MEGF9: variants seen among roughly 807,000 people sequenced by gnomAD.
MEGF9 encodes the protein multiple epidermal growth factor-like domains protein 9.
A neutral mutation model predicts 46.8 loss-of-function variants in MEGF9; 6 were observed. The ratio of observed to expected loss-of-function variants is 0.13; its 90% CI spans 0.07 to 0.25. The LOEUF (loss-of-function observed/expected upper bound fraction) is 0.25. MEGF9 is among the 10% of genes least tolerant of loss of function. The probability of loss-of-function intolerance (pLI) is 1.00; values close to 1 mark genes in which losing one functional copy is unlikely to be tolerated. For missense variants in MEGF9, 683 were observed against 792.4 expected (o/e 0.86, Z 1.66); for synonymous variants, 302 against 330.7 (o/e 0.91, Z 0.94).
intron 3 of MEGF9, among the ~76,000 whole-genome samples, chr9:120,614,958 TGCCAGGC>T (rs2132300478): frequency 6.6e-6 from 1 of 152,096 alleles, no homozygotes; most frequent in African/African-American, 2.4e-5. Flanking sequence ...TATATGTATA[TGCCAGGC>T]ATGGTGGCTC....
intron 1 of MEGF9, among the ~76,000 whole-genome samples, chr9:120,710,475 G>A (rs866527068): frequency 6.7e-6 from 1 of 148,164 alleles, no homozygotes; most frequent in Non-Finnish European, 1.5e-5. Flanking sequence ...ATCAGTGAAT[G>A]TTTTGCTGGG....
In MEGF9 at chr9:120,604,434, C is replaced by T. The variant is rs1208213064; in HGVS notation, c.*756G>A. ...TTTTTACAAATAGATACAAATACAA[C>T]GTCGACCAGATATGCTACATTAACT... On this transcript the variant is annotated 3_prime_UTR_variant, in exon 6 of 6. Coordinates refer to ENST00000373930, the MANE Select transcript of MEGF9 (RefSeq NM_001080497.3). 6.6e-6 allele frequency: 1 copy of T among 152,508 alleles called. No homozygotes were observed. The highest frequency in any genetic ancestry group is 2.4e-5 in the African/African-American group (1 of 41,382). The allele number at this position is 152,508 out of a possible 1,614,324, so 9.4% of individuals were successfully genotyped here. A position where few individuals can be genotyped will look rare whatever the true frequency, so the allele number is the denominator to read the frequency against.
chr9:120,654,295 A>G (rs2043666598), intron 2 of MEGF9, among the ~76,000 whole-genome samples: 1 of 152,216 alleles, frequency 6.6e-6, no homozygotes, highest in Non-Finnish European at 1.5e-5. Context: ...AGGATAACAG[A>G]AGCTATCAGG....
chr9:120,623,767 G>C (rs1008693786), intron 2 of MEGF9, among the ~76,000 whole-genome samples: 1 of 152,008 alleles, frequency 6.6e-6, no homozygotes, highest in African/African-American at 2.4e-5. Flanking sequence ...TCAATAAGAA[G>C]GAACCAGTCA....
chr9:120,683,236 G>A (rs1411526802), intron 1 of MEGF9, among the ~76,000 whole-genome samples: 1 of 152,146 alleles, frequency 6.6e-6, no homozygotes, highest in Non-Finnish European at 1.5e-5. Context: ...AGAAATCTCT[G>A]GTGGGGGTAC....
intron 1 of MEGF9, among the ~76,000 whole-genome samples, chr9:120,672,958 G>T (rs771112515): frequency 2.0e-4 from 31 of 152,194 alleles, no homozygotes; most frequent in Non-Finnish European, 3.2e-4. Flanking sequence ...AGGAGGCAGA[G>T]GTTGCGGTGA....
chr9:120,662,495 T>C (rs774319608), intron 1 of MEGF9, among the ~76,000 whole-genome samples: 1 of 152,254 alleles, frequency 6.6e-6, no homozygotes, highest in Non-Finnish European at 1.5e-5. Context: ...TATGAAGTTA[T>C]GAGCACAGAT....
At chr9:120,674,290 A>G (rs1331313202) in intron 1 of MEGF9, among the ~76,000 whole-genome samples, 1 of 152,186 alleles carries the variant, frequency 6.6e-6, no homozygotes, top group Non-Finnish European at 1.5e-5. Flanking sequence ...CTGAAAACCC[A>G]ACAATAAGGA....
intron 3 of MEGF9, 127 bp downstream of exon 3, chr9:120,622,489 A>G (rs2043504504): frequency 5.7e-6 from 4 of 704,244 alleles, no homozygotes; most frequent in Non-Finnish European, 8.2e-6. Flanking sequence ...GCTGTGATCT[A>G]GTACATCCTA....
At chr9:120,678,478 TG>T (rs1289726224) in intron 1 of MEGF9, among the ~76,000 whole-genome samples, 12 of 152,290 alleles carry the variant, frequency 7.9e-5, no homozygotes, top group African/African-American at 2.9e-4. Flanking sequence ...GGGATTTTTT[TG>T]TTTGTTTTTC....
At chr9:120,711,871 A>ACACACACCCC (rs145059704) in intron 1 of MEGF9, among the ~76,000 whole-genome samples, 24 of 150,224 alleles carry the variant, frequency 1.6e-4, no homozygotes, top group African/African-American at 5.2e-4. Context: ...ACACACACAC[A>ACACACACCCC]CCCACAGGCC....
intron 2 of MEGF9, among the ~76,000 whole-genome samples, chr9:120,628,476 T>G (rs1170554690): frequency 7.2e-6 from 1 of 139,724 alleles, no homozygotes; most frequent in East Asian, 2.0e-4. Context: ...TTGTTTTTTT[T>G]TTTTTTTTTT....
In MEGF9 at chr9:120,706,939, G is replaced by T. The variant is rs1588002276; in HGVS notation, c.601+6819C>A. Reference sequence around the variant, plus strand: ...CCAAGGAAGAGTAGAAGTTTTCCCAGATTAATATCCAAGGACCAATTATTT... The same window carrying T: ...CCAAGGAAGAGTAGAAGTTTTCCCATATTAATATCCAAGGACCAATTATTT... On this transcript the variant is annotated intron_variant, in intron 1 of 5. Coordinates refer to ENST00000373930, the MANE Select transcript of MEGF9 (RefSeq NM_001080497.3). Among the ~76,000 whole-genome samples, 3 of 152,294 alleles carry T rather than the reference G, an allele frequency of 2.0e-5. No homozygotes were observed. The South Asian group carries it at 6.2e-4, about 32-fold the overall frequency.
At chr9:120,634,308 C>T (rs2043563603) in intron 2 of MEGF9, among the ~76,000 whole-genome samples, 1 of 151,930 alleles carries the variant, frequency 6.6e-6, no homozygotes, top group Admixed American at 6.6e-5. Flanking sequence ...TTATTATATC[C>T]TTTTGCTAAA....
intron 1 of MEGF9, among the ~76,000 whole-genome samples, chr9:120,664,678 T>C (rs749264299): frequency 1.3e-5 from 2 of 152,130 alleles, no homozygotes; most frequent in Non-Finnish European, 2.9e-5. Flanking sequence ...CTGCCTGAAA[T>C]TCTATCTACA....
intron 1 of MEGF9, among the ~76,000 whole-genome samples, chr9:120,671,058 A>C (rs2043746659): frequency 6.6e-6 from 1 of 152,248 alleles, no homozygotes; most frequent in Non-Finnish European, 1.5e-5. Context: ...ACCCAAAACA[A>C]AACAATAGCC....
At chr9:120,648,573 C>T (rs1393956066) in intron 2 of MEGF9, among the ~76,000 whole-genome samples, 1 of 152,174 alleles carries the variant, frequency 6.6e-6, no homozygotes, top group Admixed American at 6.6e-5. Context: ...TGCAAGTCCA[C>T]TAGCCAGTAA....
chr9:120,628,481 T>TTG (rs2043536629), intron 2 of MEGF9, among the ~76,000 whole-genome samples: 3 of 143,628 alleles, frequency 2.1e-5, no homozygotes, highest in East Asian at 2.0e-4. Flanking sequence ...TTTTTTTTTT[T>TTG]TTTTTTTTTT....
rs557180699 is a variant in MEGF9, at chr9:120,636,877, C to T, written c.804-14122G>A. On this transcript the variant is annotated intron_variant, in intron 2 of 5. Coordinates refer to ENST00000373930, the MANE Select transcript of MEGF9 (RefSeq NM_001080497.3). Reference sequence around the variant, plus strand: ...GGGTGGGGGGGCCCCTCTGCCCGGCCGCCACGTCTGGGAAGTGAGGAGCCC... The same window carrying T: ...GGGTGGGGGGGCCCCTCTGCCCGGCTGCCACGTCTGGGAAGTGAGGAGCCC... 2.2e-4 allele frequency among the ~76,000 whole-genome samples: 33 copies of T among 151,506 alleles called. No individual in the cohort carries two copies. The South Asian group carries it at 6.3e-3, about 29-fold the overall frequency.
Sources: allele counts gnomAD v4.1 joint callset (sites outside exome capture counted in the v4.1 genomes callset), GRCh38; gene constraint gnomAD v4.1.1; transcripts MANE v1.5; gene names NCBI Gene and HGNC (gene_info 2026-07-23, HGNC 2026-07-21).